Variants in CSMD1 observed in about 807,000 individuals in gnomAD.
The protein encoded by CSMD1 is CUB and sushi domain-containing protein 1.
Under a neutral mutation model 417.5 loss-of-function variants are expected in CSMD1, and 213 were observed. That is an observed-to-expected ratio of 0.51 (90% confidence interval 0.46 to 0.57). The LOEUF (loss-of-function observed/expected upper bound fraction) is 0.57. CSMD1 is among the 20% of genes least tolerant of loss of function. The pLI, the probability that CSMD1 is intolerant of heterozygous loss-of-function variation, is 0.00. For synonymous variants in CSMD1, 2,862 were observed against 1,736.8 expected, an observed-to-expected ratio of 1.65 and a Z score of -16.11; for missense variants, 6,923 against 4,529.7, an observed-to-expected ratio of 1.53 and a Z score of -15.17.
chr8:3,793,488 C>T (rs964795115), intron 5 of CSMD1, among the ~76,000 whole-genome samples: 2 of 150,608 alleles, frequency 1.3e-5, no homozygotes, highest in African/African-American at 2.4e-5. Context: ...GCCAAGCCAG[C>T]CCTCTTGTGC....
At chr8:4,670,248 G>C (rs181054326) in intron 1 of CSMD1, among the ~76,000 whole-genome samples, 120 of 152,270 alleles carry the variant, frequency 7.9e-4, no homozygotes, top group Non-Finnish European at 1.6e-3. Flanking sequence ...TGTAGAAGAG[G>C]CATGGCCTTT....
At chr8:3,636,171 G>C (rs1376456028) in intron 7 of CSMD1, among the ~76,000 whole-genome samples, 1 of 152,114 alleles carries the variant, frequency 6.6e-6, no homozygotes, top group Non-Finnish European at 1.5e-5. Flanking sequence ...TAATCAACAT[G>C]ACTTCTTCCA....
At chr8:3,514,929 C>G (rs1484019054) in intron 10 of CSMD1, among the ~76,000 whole-genome samples, 3 of 152,034 alleles carry the variant, frequency 2.0e-5, no homozygotes, top group African/African-American at 7.2e-5. Flanking sequence ...GCTGCCCAAG[C>G]AAATGTATTT....
intron 1 of CSMD1, among the ~76,000 whole-genome samples, chr8:4,775,291 TAA>T (rs529395909): frequency 3.2e-3 from 485 of 152,260 alleles, no homozygotes; most frequent in African/African-American, 0.011. Flanking sequence ...AGGTCCAGCA[TAA>T]AGTCTCCAGA....
intron 5 of CSMD1, among the ~76,000 whole-genome samples, chr8:3,891,292 T>A (rs1026127688): frequency 6.6e-6 from 1 of 152,198 alleles, no homozygotes; most frequent in Admixed American, 6.5e-5. Context: ...TCAAGTGATC[T>A]ACCTGCCTCA....
At chr8:4,108,045 GAGACAGAGAC>G (rs1801658670) in intron 3 of CSMD1, among the ~76,000 whole-genome samples, 1 of 1,356 alleles carries the variant, frequency 7.4e-4, no homozygotes, top group Non-Finnish European at 1.3e-3. Context: ...GAGAGAAAGA[GAGACAGAGAC>G]AGAGACAGAG....
At chr8:4,046,617 G>C (rs1189021209) in intron 3 of CSMD1, among the ~76,000 whole-genome samples, 8 of 121,626 alleles carry the variant, frequency 6.6e-5, no homozygotes, top group South Asian at 2.8e-4. Flanking sequence ...GTTGAGTCTT[G>C]ATAATTCCAT....
chr8:4,181,144 T>G (rs559983323), intron 3 of CSMD1, among the ~76,000 whole-genome samples: 1 of 152,182 alleles, frequency 6.6e-6, no homozygotes, highest in African/African-American at 2.4e-5. Flanking sequence ...CAGCCATCTA[T>G]TTTGGTGTAT....
chr8:3,321,618 G>C (rs1226426860), intron 23 of CSMD1, among the ~76,000 whole-genome samples: 3 of 152,154 alleles, frequency 2.0e-5, no homozygotes, highest in African/African-American at 4.8e-5. Context: ...TCTGAGTCTG[G>C]CAGTGAAAGT....
At chr8:3,663,341 T>G (rs758517190) in intron 7 of CSMD1, among the ~76,000 whole-genome samples, 4 of 152,144 alleles carry the variant, frequency 2.6e-5, no homozygotes, top group Non-Finnish European at 5.9e-5. Flanking sequence ...TGCGTTCTGT[T>G]TGGAACATGG....
At chr8:3,574,889 A>G (rs1800083910) in intron 10 of CSMD1, 56 bp downstream of exon 10, 12 of 1,558,578 alleles carry the variant, frequency 7.7e-6, no homozygotes, top group Non-Finnish European at 1.0e-5. Context: ...CTTCAACAAT[A>G]GATCCTATAA....
rs148814534 is a variant in CSMD1 at position 4,686,951 on chromosome 8, C to T, written c.86-49393G>A. Among the ~76,000 whole-genome samples the T allele has an allele frequency of 1.2e-4, 18 of 152,290 alleles. No homozygotes were observed. The East Asian group carries it at 2.7e-3, about 23-fold the overall frequency. ...GACGCACTTGGAAGTGGAGGAGACA[C>T]GTCTCCAGTCCTGAACGGCACACAG... On this transcript the variant is annotated intron_variant, in intron 1 of 69. Transcript: ENST00000635120.
At chr8:2,960,584 TAA>T (rs1239980352) in intron 62 of CSMD1, among the ~76,000 whole-genome samples, 3 of 152,224 alleles carry the variant, frequency 2.0e-5, no homozygotes, top group Non-Finnish European at 4.4e-5. Flanking sequence ...TTCATTTTAT[TAA>T]AAGTCAAATG....
At chr8:4,322,076 C>G (rs984373076) in intron 3 of CSMD1, among the ~76,000 whole-genome samples, 1 of 152,066 alleles carries the variant, frequency 6.6e-6, no homozygotes, top group South Asian at 2.1e-4. Context: ...TCATCATAGA[C>G]TGAAATGAAC....
intron 3 of CSMD1, among the ~76,000 whole-genome samples, chr8:4,263,016 G>C (rs566508046): frequency 6.6e-6 from 1 of 152,172 alleles, no homozygotes; most frequent in Non-Finnish European, 1.5e-5. Context: ...TTCTGTCTTG[G>C]CCAAATAGTC....
chr8:3,971,370 T>C (rs1427132885), intron 5 of CSMD1, among the ~76,000 whole-genome samples: 2 of 152,182 alleles, frequency 1.3e-5, no homozygotes, highest in Non-Finnish European at 2.9e-5. Context: ...TCTGAAAATA[T>C]AAATGACGAC....
intron 3 of CSMD1, among the ~76,000 whole-genome samples, chr8:4,317,591 G>C (rs1799007444): frequency 1.3e-5 from 2 of 151,502 alleles, no homozygotes; most frequent in South Asian, 4.2e-4. Context: ...TCAAGAGAGA[G>C]AGAGGAGAGA....
At chr8:4,145,875 T>G (rs1324303891) in intron 3 of CSMD1, among the ~76,000 whole-genome samples, 2 of 151,058 alleles carry the variant, frequency 1.3e-5, no homozygotes, top group East Asian at 3.9e-4. Context: ...TGTTGAGTTT[T>G]CAAAATCATG....
intron 49 of CSMD1, among the ~76,000 whole-genome samples, chr8:3,060,511 A>T (rs1328160471): frequency 6.6e-6 from 1 of 152,198 alleles, no homozygotes; most frequent in East Asian, 1.9e-4. Context: ...ATAAAAAATT[A>T]CTATTAGAAC....
Sources: gnomAD v4.1 joint callset for allele counts (sites outside exome capture counted in the v4.1 genomes callset) on GRCh38, gnomAD v4.1.1 for gene constraint, MANE v1.5 for transcripts, NCBI Gene and HGNC (gene_info 2026-07-23, HGNC 2026-07-21) for gene names.